Variants in COL9A3 observed in about 807,000 individuals in gnomAD.
COL9A3 encodes collagen type IX alpha 3 chain, also known as collagen alpha-3(IX) chain.
Under a neutral mutation model 110.2 loss-of-function variants are expected in COL9A3, and 82 were observed. That is an observed-to-expected ratio of 0.74 (90% CI 0.62 to 0.89). COL9A3 has a LOEUF of 0.89. Among genes scored for constraint, COL9A3 ranks in the 40% least tolerant of loss-of-function variants. COL9A3 has a pLI of 0.00. For synonymous variants in COL9A3, 494 were observed against 403.8 expected (o/e 1.22, Z -2.68); for missense variants, 1,066 against 981.3 (o/e 1.09, Z -1.15).
rs560260041 is a variant in COL9A3, at chr20:62,830,549, T to G, written c.1248T>G (p.Leu416=). ...GQKGSMGDPG[L]PGPQGLRGDV... ...AGGGCAGCATGGGAGACCCCGGCCTTCCAGGCCCCCAGGGCCTCCGAGGTG... is the reference window on the plus strand; with the variant it reads ...AGGGCAGCATGGGAGACCCCGGCCTGCCAGGCCCCCAGGGCCTCCGAGGTG... Residue 416 remains leucine, a synonymous_variant, in exon 24 of 32, where the codon CTT becomes CTG. Coordinates refer to ENST00000649368, the MANE Select transcript of COL9A3 (RefSeq NM_001853.4). 4 of 1,607,556 alleles carry G rather than the reference T, an allele frequency of 2.5e-6. No homozygotes were observed. In the African/African-American group the frequency reaches 5.4e-5, roughly 22 times the overall value.
In COL9A3 at chr20:62,821,548, T is replaced by C. The variant is rs368754122; in HGVS notation, c.369+18T>C. ...GACCCCCCGTGAGTACTGACAACCC[T>C]TGGGGCCCTGAGCAAGCACGCAAGT... On this transcript the variant is annotated intron_variant, in intron 7 of 31. Coordinates refer to ENST00000649368, the MANE Select transcript of COL9A3 (RefSeq NM_001853.4). 10 of 1,612,708 alleles carry C rather than the reference T, an allele frequency of 6.2e-6. No homozygotes were observed. Among genetic ancestry groups the C allele is most frequent in the Non-Finnish European group, 4.2e-6 (5 of 1,179,920 alleles).
chr20:62,824,753 C>G (rs892621617), intron 11 of COL9A3, among the ~76,000 whole-genome samples: 1 of 152,204 alleles, frequency 6.6e-6, no homozygotes, highest in Non-Finnish European at 1.5e-5. Context: ...CCCACCCCAG[C>G]CCAGCCCTGG....
intron 26 of COL9A3, among the ~76,000 whole-genome samples, chr20:62,835,083 G>C (rs1318746932): frequency 2.6e-5 from 4 of 152,234 alleles, no homozygotes; most frequent in Non-Finnish European, 4.4e-5. Flanking sequence ...CTACTCGCAC[G>C]GTCGGGCTGT....
In COL9A3 at chr20:62,822,067, G is replaced by A. The variant is rs1168857881; in HGVS notation, c.424-44G>A. ...GGGAGAAGCCGGGCACCTCACTCAG[G>A]TGGGGGCTGGTCCCACTCTGTCTAA... On this transcript the variant is annotated intron_variant, in intron 8 of 31. Coordinates refer to ENST00000649368, the MANE Select transcript of COL9A3 (RefSeq NM_001853.4). 5.0e-6 allele frequency: 6 copies of A among 1,202,526 alleles called. No homozygotes were observed. The African/African-American group carries it at 8.9e-5, about 18-fold the overall frequency. The allele number at this position is 1,202,526 out of a possible 1,614,324, so 74.5% of individuals were successfully genotyped here.
rs144292707 is a variant in COL9A3, at chr20:62,836,492, C to T, written c.1563C>T (p.Ser521=). 419 of 1,613,532 alleles carry T rather than the reference C, an allele frequency of 2.6e-4. 1 individual carries two copies. The highest frequency in any genetic ancestry group is 9.9e-4 in the Middle Eastern group (6 of 6,062). The part of the protein sequence containing the change: ...GKPGVPGKEA[S]EQRIRELCGG... ...GTGAATTCCAGGGGAAGGAGGCCAG[C>T]GAGCAGCGCATCAGGGAGCTGTGTG... Residue 521 remains serine (S), a synonymous_variant, in exon 29 of 32, where the codon AGC becomes AGT. Transcript: ENST00000649368.
chr20:62,835,744 G>A (rs1166851584), intron 26 of COL9A3, among the ~76,000 whole-genome samples, 177 bp from the exon 27 acceptor site: 1 of 152,212 alleles, frequency 6.6e-6, no homozygotes, highest in African/African-American at 2.4e-5. Flanking sequence ...CAATCAATCA[G>A]TGCAATCACA....
At chr20:62,824,935 T>C (rs1347194047) in intron 11 of COL9A3, 33 bp from the exon 12 acceptor site, 10 of 1,588,988 alleles carry the variant, frequency 6.3e-6, no homozygotes, top group Non-Finnish European at 8.6e-6. Flanking sequence ...TCGGGGGGTC[T>C]GGGTGGGGCA....
intron 26 of COL9A3, among the ~76,000 whole-genome samples, chr20:62,833,346 G>A (rs1164845846): frequency 2.0e-5 from 3 of 152,234 alleles, no homozygotes; most frequent in African/African-American, 7.2e-5. Flanking sequence ...CCGTGGAGTG[G>A]CACCTGCATG....
Position 62,825,033 on chromosome 20 carries a change from GCAC to G in COL9A3, c.630+13_630+15del. 1 of 1,605,788 alleles carries G rather than the reference GCAC, an allele frequency of 6.2e-7. No individual in the cohort carries two copies. On this transcript the variant is annotated intron_variant, in intron 12 of 31. Coordinates refer to ENST00000649368, the MANE Select transcript of COL9A3 (RefSeq NM_001853.4). The stretch of plus-strand genomic sequence containing the variant: ...AGGACGGCGAGAAGGTGAAGCTGCC[GCAC>G]AGCAGCTGGGGAGGAGCTGGGGACT...
rs533186378 is a variant in COL9A3 at position 62,826,257 on chromosome 20, G to T, written c.738G>T (p.Arg246=). The T allele has an allele frequency of 2.3e-5, 35 of 1,550,236 alleles. No homozygotes were observed. Among genetic ancestry groups the T allele is most frequent in the Middle Eastern group, 3.5e-4 (2 of 5,668 alleles). The change falls in exon 14 of 32, where the codon CGG becomes CGT. Residue 246 remains arginine (R), a splice_region_variant and synonymous_variant. Coordinates refer to ENST00000649368, the MANE Select transcript of COL9A3 (RefSeq NM_001853.4). ...GGCCACTCGGGCCCCCTGGGGACCG[G>T]GTAAGTCCTGCAGCCCCTAGTGGGG... is the stretch of plus-strand genomic sequence containing the variant. ...LPGPLGPPGD[R]GPIGFRGPPG...
rs906132263 is a variant in COL9A3, at chr20:62,838,700, A to G, written c.1803A>G (p.Arg601=). 25 of 1,552,758 alleles carry G rather than the reference A, an allele frequency of 1.6e-5. No homozygotes were observed. Among genetic ancestry groups the G allele is most frequent in the Non-Finnish European group, 2.0e-5 (23 of 1,147,588 alleles). ...TCGTGACAGGAAACCAGGGTGACAG[A>G]GGAGACAAAGGCGCGGCAGGAGCAG... ...DPGPRGNQGD[R]GDKGAAGAGL... The change falls in exon 31 of 32, where the codon AGA becomes AGG. Residue 601 remains arginine, a synonymous_variant. Coordinates refer to ENST00000649368, the MANE Select transcript of COL9A3 (RefSeq NM_001853.4).
chr20:62,822,022 C>G, intron 8 of COL9A3, 89 bp from the exon 9 acceptor site: 2 of 879,434 alleles, frequency 2.3e-6, no homozygotes, highest in Non-Finnish European at 3.9e-6. Context: ...CTGGTGGGAG[C>G]TGGGCGTGTC....
At chr20:62,827,734 C>G (rs904539491) in intron 16 of COL9A3, among the ~76,000 whole-genome samples, 189 bp from the exon 17 acceptor site, 1 of 152,232 alleles carries the variant, frequency 6.6e-6, no homozygotes, top group East Asian at 1.9e-4. Flanking sequence ...GCCGCCGTGC[C>G]GTCCTGCAGC....
chr20:62,835,908 TTTCTC>T lies in COL9A3; in HGVS notation c.1369-9_1369-5del, dbSNP rs751665842. ...ATACACTTAGTTCAAACACACAACTTTTCTCTTCACAGGGTCCCAGCGGCCTGGTC... is the reference window on the plus strand; with the variant it reads ...ATACACTTAGTTCAAACACACAACTTTTCACAGGGTCCCAGCGGCCTGGTC... On this transcript the variant is annotated splice_polypyrimidine_tract_variant and splice_region_variant and intron_variant, in intron 26 of 31. Transcript: ENST00000649368. The T allele has an allele frequency of 3.0e-5, 49 of 1,614,216 alleles. No homozygotes were observed. The highest frequency in any genetic ancestry group is 3.6e-5 in the Non-Finnish European group (43 of 1,180,040).
intron 26 of COL9A3, among the ~76,000 whole-genome samples, chr20:62,835,019 T>G (rs2063624459): frequency 1.3e-5 from 2 of 152,164 alleles, no homozygotes; most frequent in Admixed American, 1.3e-4. Flanking sequence ...CTGTTGCTGG[T>G]GGGGTGAGGG....
At chr20:62,826,998 C>G (rs1174208243) in intron 15 of COL9A3, among the ~76,000 whole-genome samples, 178 bp downstream of exon 15, 1 of 152,162 alleles carries the variant, frequency 6.6e-6, no homozygotes. Flanking sequence ...GGAATCCATT[C>G]TTTGTGAGAC....
intron 23 of COL9A3, 30 bp downstream of exon 23, chr20:62,830,443 T>TGG (rs397840562): frequency 2.5e-6 from 4 of 1,574,202 alleles, no homozygotes; most frequent in African/African-American, 1.3e-5. Flanking sequence ...GGGCCTGGCA[T>TGG]GGGGGGCGGC....
intron 10 of COL9A3, 116 bp downstream of exon 10, chr20:62,822,748 C>A: frequency 8.7e-7 from 1 of 1,148,552 alleles, no homozygotes; most frequent in Non-Finnish European, 1.3e-6. Context: ...CCGAGCCCTC[C>A]CTGGGGACAG....
intron 17 of COL9A3, among the ~76,000 whole-genome samples, chr20:62,828,185 G>T (rs1005669169): frequency 3.3e-5 from 5 of 152,164 alleles, no homozygotes; most frequent in African/African-American, 1.2e-4. Context: ...CTCAGGCTGG[G>T]TTTACCTGCA....
Sources: allele counts gnomAD v4.1 joint callset (sites outside exome capture counted in the v4.1 genomes callset), GRCh38; gene constraint gnomAD v4.1.1; transcripts MANE v1.5; gene names NCBI Gene and HGNC (gene_info 2026-07-23, HGNC 2026-07-21).